Variants in WRAP53 observed in about 807,000 individuals in gnomAD.
WRAP53 encodes telomerase Cajal body protein 1.
A neutral mutation model predicts 56.6 loss-of-function variants in WRAP53; 28 were observed. The ratio of observed to expected loss-of-function variants is 0.50; its 90% confidence interval spans 0.37 to 0.68. WRAP53 has a LOEUF of 0.68. Among genes scored for constraint, WRAP53 ranks in the 30% least tolerant of loss-of-function variants. The pLI is 0.00. For missense variants in WRAP53, 671 were observed against 715.5 expected (o/e 0.94, Z 0.71); for synonymous variants, 283 against 283.4 (o/e 1.00, Z 0.01).
chr17:7,694,242 CTTTT>C lies in WRAP53; in HGVS notation c.642+4557_642+4560del, dbSNP rs749740076. ...GTCAATTTGTTTTCTTTTTTTCTTT[CTTTT>C]TTTTTTTTTTTTTTTGAGACAGAGT... On this transcript the variant is annotated intron_variant, in intron 4 of 10. Coordinates refer to ENST00000396463, the MANE Select transcript of WRAP53 (RefSeq NM_001143992.2). 3.8e-3 allele frequency among the ~76,000 whole-genome samples: 460 copies of C among 122,560 alleles called. 2 individuals carry two copies. Among genetic ancestry groups the C allele is most frequent in the Middle Eastern group, 0.013 (3 of 232 alleles). 80.4% of individuals were successfully genotyped at this position (122,560 alleles called of 152,430 possible). A position where few individuals can be genotyped will look rare whatever the true frequency, so the allele number is the denominator to read the frequency against.
Position 7,702,760 on chromosome 17 carries a change from C to T in WRAP53, c.1182C>T (p.Cys394=), listed in dbSNP as rs898250828. Residue 394 remains cysteine, a synonymous_variant, in exon 9 of 11, where the codon TGC becomes TGT. Transcript: ENST00000396463. The surrounding 1 kb of genome is among the most constrained non-coding windows in gnomAD (Gnocchi z 5.0). ...SGARKDAELL[C]WDLRQSGYPL... ...GTCTCCAGGATGCTGAGCTCCTGTG[C>T]TGGGATCTCCGGCAGTCTGGTTACC... The T allele has an allele frequency of 5.0e-6, 8 of 1,613,692 alleles. No homozygotes were observed. The African/African-American group carries it at 6.7e-5, about 13-fold the overall frequency.
At chr17:7,699,992 C>G (rs1168472418) in intron 4 of WRAP53, among the ~76,000 whole-genome samples, 1 of 151,832 alleles carries the variant, frequency 6.6e-6, no homozygotes, top group African/African-American at 2.4e-5. Flanking sequence ...CTCAGCCTCC[C>G]TAAGTGCTGG....
upstream of WRAP53, chr17:7,687,991 A>T (rs1018143697): frequency 6.1e-5 from 11 of 179,590 alleles, no homozygotes; most frequent in African/African-American, 2.6e-4. Flanking sequence ...CATTGCTTTC[A>T]GTACATGGAA....
intron 5 of WRAP53, 141 bp downstream of exon 5, chr17:7,700,970 T>C (rs1597419931): frequency 9.3e-6 from 6 of 642,184 alleles, no homozygotes; most frequent in South Asian, 1.6e-5. Context: ...GTTGGCTTCC[T>C]CCCCTTCCTT....
At chr17:7,699,522 T>TTATATATATATATATATATA (rs1203888377) in intron 4 of WRAP53, among the ~76,000 whole-genome samples, 1 of 14,108 alleles carries the variant, frequency 7.1e-5, no homozygotes, top group Non-Finnish European at 1.2e-4. Flanking sequence ...ATATATATAT[T>TTATATATATATATATATATA]TATATATATA....
chr17:7,689,062 AGAGGACGAGGGAGACAC>A lies in WRAP53; in HGVS notation c.416_431+1del. On this transcript the variant is annotated frameshift_variant and splice_region_variant, in exon 2 of 11. Transcript: ENST00000396463. LOFTEE classifies it high-confidence loss of function. Reference sequence around the variant, plus strand: ...AAGATACCTCTGGGGAACCCGCTGCAGAGGACGAGGGAGACACGTAAGTGGTGATGGCAGTGGAGTGT... The same window carrying A: ...AAGATACCTCTGGGGAACCCGCTGCAGTAAGTGGTGATGGCAGTGGAGTGT... 1 of 1,614,038 alleles carries A rather than the reference AGAGGACGAGGGAGACAC, an allele frequency of 6.2e-7. No individual in the cohort carries two copies. Among genetic ancestry groups the A allele is most frequent in the East Asian group, 2.2e-5 (1 of 44,900 alleles).
At chr17:7,692,879 G>C (rs936498532) in intron 4 of WRAP53, among the ~76,000 whole-genome samples, 1 of 146,456 alleles carries the variant, frequency 6.8e-6, no homozygotes, top group Non-Finnish European at 1.5e-5. Context: ...AGCCTCTCCC[G>C]AGTAGCTGGG....
intron 4 of WRAP53, among the ~76,000 whole-genome samples, chr17:7,696,978 G>T (rs531028371): frequency 6.6e-6 from 1 of 152,296 alleles, no homozygotes; most frequent in Non-Finnish European, 1.5e-5. Flanking sequence ...AGGCCCAGAA[G>T]ACAACTGACG....
rs149142873 is a variant in WRAP53, at chr17:7,702,713, G to C, written c.1165-30G>C. On this transcript the variant is annotated intron_variant, in intron 8 of 10. Transcript: ENST00000396463. This position sits in a 1 kb window ranked among gnomAD's most constrained non-coding sequence, Gnocchi z 5.0. ...GGCAGGGACATCCAGGGCTTTGGGGGTGACTCCAGGTCCTGTTCCTTGTCT... is the reference window on the plus strand; with the variant it reads ...GGCAGGGACATCCAGGGCTTTGGGGCTGACTCCAGGTCCTGTTCCTTGTCT... 2 of 1,610,734 alleles carry C rather than the reference G, an allele frequency of 1.2e-6. No homozygotes were observed. Among genetic ancestry groups the C allele is most frequent in the African/African-American group, 2.7e-5 (2 of 74,886 alleles).
intron 3 of WRAP53, 79 bp from the exon 4 acceptor site, chr17:7,689,511 C>T (rs1212536888): frequency 6.9e-7 from 1 of 1,444,658 alleles, no homozygotes; most frequent in South Asian, 1.2e-5. Context: ...GCTTACCTAC[C>T]CCAGAGGCAG....
upstream of WRAP53, chr17:7,686,384 C>T (rs561577997): frequency 6.6e-6 from 1 of 152,342 alleles, no homozygotes; most frequent in African/African-American, 2.4e-5. Context: ...ACTTCTTTCC[C>T]TCCCTGTCTC....
intron 4 of WRAP53, among the ~76,000 whole-genome samples, chr17:7,697,738 G>A (rs1454360107): frequency 6.6e-6 from 1 of 152,082 alleles, no homozygotes; most frequent in African/African-American, 2.4e-5. Context: ...AAACATAGAG[G>A]AAATATCTAA....
chr17:7,697,000 C>G (rs1469293545), intron 4 of WRAP53, among the ~76,000 whole-genome samples: 1 of 152,062 alleles, frequency 6.6e-6, no homozygotes, highest in Non-Finnish European at 1.5e-5. Context: ...AGGACAGTGT[C>G]CAGACTATTT....
At chr17:7,698,759 C>T (rs1338417071) in intron 4 of WRAP53, among the ~76,000 whole-genome samples, 2 of 152,044 alleles carry the variant, frequency 1.3e-5, no homozygotes, top group African/African-American at 4.8e-5. Context: ...CGCCTGTAAT[C>T]GTAGCTACTC....
intron 10 of WRAP53, 33 bp from the exon 11 acceptor site, chr17:7,703,208 AAG>A: frequency 6.2e-7 from 1 of 1,613,032 alleles, no homozygotes. Context: ...GTCCTCACTG[AAG>A]GCACTGATAG....
intron 4 of WRAP53, among the ~76,000 whole-genome samples, chr17:7,690,624 C>G (rs1438735396): frequency 6.6e-6 from 1 of 152,074 alleles, no homozygotes; most frequent in Admixed American, 6.6e-5. Context: ...GTTAAAAGAC[C>G]AGAAAGGCCC....
chr17:7,697,665 A>G (rs2074204642), intron 4 of WRAP53, among the ~76,000 whole-genome samples: 2 of 151,758 alleles, frequency 1.3e-5, no homozygotes, highest in South Asian at 4.2e-4. Flanking sequence ...TCTCAAAAAG[A>G]AAAAAAAAGA....
Position 7,702,979 on chromosome 17 carries a change from C to T in WRAP53, c.1269-14C>T, listed in dbSNP as rs2074295674. The T allele has an allele frequency of 1.2e-6, 2 of 1,613,640 alleles. No homozygotes were observed. The highest frequency in any genetic ancestry group is 4.5e-5 in the East Asian group (2 of 44,874). ...GTGAGGCCTCTGCCAGCAAATCTCT[C>T]CTCTCTCTCGCAGGACCGGGCAGTT... is the stretch of plus-strand genomic sequence containing the variant. On this transcript the variant is annotated splice_polypyrimidine_tract_variant and intron_variant, in intron 9 of 10. Coordinates refer to ENST00000396463, the MANE Select transcript of WRAP53 (RefSeq NM_001143992.2). This position sits in a 1 kb window ranked among gnomAD's most constrained non-coding sequence, Gnocchi z 5.0.
chr17:7,687,284 C>T, upstream of WRAP53: 1 of 398,450 alleles, frequency 2.5e-6, no homozygotes, highest in Non-Finnish European at 4.4e-6. Flanking sequence ...CACTGCCCCA[C>T]CCCCAGCCCC....
Sources: allele counts gnomAD v4.1 joint callset (sites outside exome capture counted in the v4.1 genomes callset), GRCh38; gene constraint gnomAD v4.1.1; non-coding constraint Gnocchi (gnomAD v3.1); transcripts MANE v1.5; gene names NCBI Gene and HGNC (gene_info 2026-07-23, HGNC 2026-07-21).